The following ATAD2B variants were observed in gnomAD, a reference collection of about 807,000 sequenced individuals.
The protein encoded by ATAD2B is ATPase family AAA domain containing 2B, also known as ATPase family AAA domain-containing protein 2B.
Under a neutral mutation model 167.6 loss-of-function variants are expected in ATAD2B, and 40 were observed. That is an observed-to-expected ratio of 0.24 (90% CI 0.19 to 0.31). The LOEUF (loss-of-function observed/expected upper bound fraction) is 0.31, where lower values mean the gene tolerates loss of function less well. ATAD2B is among the 10% of genes least tolerant of loss of function. The pLI is 1.00. For synonymous variants in ATAD2B, 579 were observed against 596.5 expected, an observed-to-expected ratio of 0.97 and a Z score of 0.43; for missense variants, 1,242 against 1,757.2, an observed-to-expected ratio of 0.71 and a Z score of 5.24.
Position 23,810,439 on chromosome 2 carries a change from T to G in ATAD2B, c.2331A>C (p.Ser777=). Residue 777 remains serine (S), a synonymous_variant, in exon 18 of 28, where the codon TCA becomes TCC. Coordinates refer to ENST00000238789, the MANE Select transcript of ATAD2B (RefSeq NM_017552.4). Reference sequence around the variant, plus strand: ...CTGGAGCAAGGTGAGAAGTTTGACCTGAGCCCCGTTCTCCAGAGAGCAATA... The same window carrying G: ...CTGGAGCAAGGTGAGAAGTTTGACCGGAGCCCCGTTCTCCAGAGAGCAATA... ...PRLLLSGERG[S]GQTSHLAPAL... The G allele has an allele frequency of 6.2e-7, 1 of 1,613,958 alleles. No individual in the cohort carries two copies. The highest frequency in any genetic ancestry group is 8.5e-7 in the Non-Finnish European group (1 of 1,179,852).
the ATAD2B span, among the ~76,000 whole-genome samples, chr2:23,738,911 T>C: frequency 6.6e-6 from 1 of 152,040 alleles, no homozygotes; most frequent in East Asian, 1.9e-4. Flanking sequence ...TAGTCTCTGA[T>C]AAAACAGACT....
the ATAD2B span, chr2:23,697,054 G>T: frequency 6.5e-6 from 1 of 154,128 alleles, no homozygotes; most frequent in South Asian, 2.0e-4. Flanking sequence ...AAAGGCCACT[G>T]CATACAAACT....
At chr2:23,916,935 T>C (rs777276345) in intron 1 of ATAD2B, among the ~76,000 whole-genome samples, 2 of 152,186 alleles carry the variant, frequency 1.3e-5, no homozygotes, top group Non-Finnish European at 2.9e-5. Context: ...AGACTTTAAG[T>C]ACATACCATG....
chr2:23,785,078 G>A (rs541830407), intron 21 of ATAD2B, among the ~76,000 whole-genome samples: 148 of 152,064 alleles, frequency 9.7e-4, no homozygotes, highest in African/African-American at 3.5e-3. Context: ...AAAAAGGGGG[G>A]AAAGTATTTC....
Position 23,888,412 on chromosome 2 carries a change from A to G in ATAD2B, c.369-13T>C. The G allele has an allele frequency of 1.3e-6, 2 of 1,525,028 alleles. No homozygotes were observed. The highest frequency in any genetic ancestry group is 1.8e-6 in the Non-Finnish European group (2 of 1,126,754). 94.5% of individuals were successfully genotyped at this position (1,525,028 alleles called of 1,614,324 possible). A position where few individuals can be genotyped will look rare whatever the true frequency, so the allele number is the denominator to read the frequency against. On this transcript the variant is annotated splice_polypyrimidine_tract_variant and intron_variant, in intron 2 of 27. Coordinates refer to ENST00000238789, the MANE Select transcript of ATAD2B (RefSeq NM_017552.4). ...CTGAGAAGTTAACCTAGAACACAAT[A>G]ATATTTAATATGCAAACACATCAAC... is the stretch of plus-strand genomic sequence containing the variant.
the ATAD2B span, among the ~76,000 whole-genome samples, chr2:23,680,647 GTCTCTAGGCCATCTTCTCCTGGGC>G: frequency 1.5e-4 from 22 of 150,086 alleles, no homozygotes; most frequent in South Asian, 4.3e-4. The surrounding 1 kb of genome is among the most constrained non-coding windows in gnomAD (Gnocchi z 4.1). Flanking sequence ...TTCTCCTGGG[GTCTCTAGGCCATCTTCTCCTGGGC>G]TCTCTAGGCC....
chr2:23,914,543 G>A (rs1463331621), intron 1 of ATAD2B, among the ~76,000 whole-genome samples: 1 of 151,964 alleles, frequency 6.6e-6, no homozygotes, highest in Non-Finnish European at 1.5e-5. Flanking sequence ...GGGAAGTGGA[G>A]ATACAAGAAC....
the ATAD2B span, among the ~76,000 whole-genome samples, chr2:23,710,971 C>T: frequency 0.015 from 2,315 of 152,282 alleles, 24 homozygotes; most frequent in Middle Eastern, 0.034. Context: ...ACATGCCCGA[C>T]ACTGTGCTAA....
At chr2:23,783,721 T>C (rs895016553) in intron 21 of ATAD2B, among the ~76,000 whole-genome samples, 1 of 152,054 alleles carries the variant, frequency 6.6e-6, no homozygotes, top group African/African-American at 2.4e-5. Flanking sequence ...AAATTGAGTA[T>C]CCCTGACCAA....
intron 21 of ATAD2B, 28 bp from the exon 22 acceptor site, chr2:23,783,056 C>T: frequency 7.7e-7 from 1 of 1,304,242 alleles, no homozygotes; most frequent in Non-Finnish European, 1.0e-6. Context: ...ATAAAAATTA[C>T]TTCCAGTTTT....
At chr2:23,911,342 C>G (rs1490382218) in intron 1 of ATAD2B, among the ~76,000 whole-genome samples, 5 of 151,870 alleles carry the variant, frequency 3.3e-5, no homozygotes, top group Non-Finnish European at 5.9e-5. Context: ...ATCGCTTGAG[C>G]CCAGGAGTTT....
chr2:23,834,060 G>A lies in ATAD2B; in HGVS notation c.1587C>T (p.Leu529=), dbSNP rs767051657. 8.1e-6 allele frequency: 13 copies of A among 1,604,214 alleles called. No individual in the cohort carries two copies. The highest frequency in any genetic ancestry group is 1.7e-4 in the Middle Eastern group (1 of 6,022). Residue 529 remains leucine, a synonymous_variant, in exon 14 of 28, where the codon CTC becomes CTT. Coordinates refer to ENST00000238789, the MANE Select transcript of ATAD2B (RefSeq NM_017552.4). ...DQIHSSIVST[L]LALMDGLDNR... Reference sequence around the variant, plus strand: ...TATCTAATCCATCCATAAGAGCAAGGAGGGTTGATACTATAGAGCTGTAAA... The same window carrying A: ...TATCTAATCCATCCATAAGAGCAAGAAGGGTTGATACTATAGAGCTGTAAA...
At chr2:23,734,545 G>A in the ATAD2B span, among the ~76,000 whole-genome samples, 4 of 152,286 alleles carry the variant, frequency 2.6e-5, no homozygotes, top group East Asian at 7.7e-4. Context: ...GGAGGCCTCA[G>A]GAAACTTACA....
At chr2:23,825,466 CTCGTT>C (rs1324837569) in intron 15 of ATAD2B, among the ~76,000 whole-genome samples, 1 of 152,080 alleles carries the variant, frequency 6.6e-6, no homozygotes, top group Non-Finnish European at 1.5e-5. Context: ...CCACTAGTGT[CTCGTT>C]TTATTTTCTA....
chr2:23,743,202 G>A, the ATAD2B span, among the ~76,000 whole-genome samples: 1 of 151,560 alleles, frequency 6.6e-6, no homozygotes, highest in Admixed American at 6.6e-5. Flanking sequence ...ATTGGAAAGG[G>A]TTAGAATGTT....
At chr2:23,919,490 C>T (rs1231948816) in intron 1 of ATAD2B, among the ~76,000 whole-genome samples, 1 of 152,016 alleles carries the variant, frequency 6.6e-6, no homozygotes, top group African/African-American at 2.4e-5. Flanking sequence ...AAGATTGCAG[C>T]AAGCCAAGAT....
intron 13 of ATAD2B, among the ~76,000 whole-genome samples, chr2:23,853,250 A>C (rs909086068): frequency 2.0e-5 from 3 of 152,226 alleles, no homozygotes; most frequent in African/African-American, 7.2e-5. Flanking sequence ...TAAGAAAAAG[A>C]AATAAAAGAC....
At chr2:23,687,579 G>C in the ATAD2B span, among the ~76,000 whole-genome samples, 17 of 152,328 alleles carry the variant, frequency 1.1e-4, no homozygotes, top group East Asian at 3.1e-3. Flanking sequence ...GTGGGGACAC[G>C]CTGCAGACAG....
intron 18 of ATAD2B, 129 bp downstream of exon 18, chr2:23,810,184 GAAT>G (rs1685333230): frequency 5.2e-6 from 4 of 774,212 alleles, no homozygotes; most frequent in Non-Finnish European, 7.9e-6. Context: ...GAATGCTAAT[GAAT>G]AATCAACAAA....
Sources: allele counts gnomAD v4.1 joint callset (sites outside exome capture counted in the v4.1 genomes callset), GRCh38; gene constraint gnomAD v4.1.1; non-coding constraint Gnocchi (gnomAD v3.1); transcripts MANE v1.5; gene names NCBI Gene and HGNC (gene_info 2026-07-23, HGNC 2026-07-21).